The following CLASP2 variants were observed in gnomAD, a reference collection of about 807,000 sequenced individuals.
The protein encoded by CLASP2 is cytoplasmic linker associated protein 2, also known as CLIP-associating protein 2.
CLASP2 carries 47 observed loss-of-function variants against 194.4 expected under a neutral mutation model. The observed-to-expected ratio is 0.24, with a 90% confidence interval of 0.19 to 0.31. The LOEUF (loss-of-function observed/expected upper bound fraction) is 0.31. Among genes scored for constraint, CLASP2 ranks in the 10% least tolerant of loss-of-function variants. The pLI, the probability that CLASP2 is intolerant of heterozygous loss-of-function variation, is 1.00. For missense variants in CLASP2, 1,445 were observed against 1,823.6 expected, an observed-to-expected ratio of 0.79 and a Z score of 3.78; for synonymous variants, 619 against 633.5, an observed-to-expected ratio of 0.98 and a Z score of 0.34.
intron 18 of CLASP2, among the ~76,000 whole-genome samples, chr3:33,601,632 C>G (rs1161029542): frequency 6.6e-6 from 1 of 152,068 alleles, no homozygotes; most frequent in African/African-American, 2.4e-5. Context: ...CTGTCTCAAC[C>G]TGAGATTTGA....
At chr3:33,682,630 A>C (rs568446269) in intron 6 of CLASP2, among the ~76,000 whole-genome samples, 2 of 152,352 alleles carry the variant, frequency 1.3e-5, no homozygotes, top group Admixed American at 6.5e-5. Context: ...AGAAGCAGTA[A>C]AGAAAAAAAG....
intron 7 of CLASP2, among the ~76,000 whole-genome samples, chr3:33,653,040 A>G (rs1444633401): frequency 2.0e-5 from 3 of 152,196 alleles, no homozygotes; most frequent in Admixed American, 1.3e-4. Context: ...CACAAAGTAG[A>G]CAATATAATC....
At chr3:33,596,787 A>C (rs1292877870) in intron 18 of CLASP2, 53 bp from the exon 19 acceptor site, 2 of 1,368,642 alleles carry the variant, frequency 1.5e-6, no homozygotes, top group East Asian at 2.5e-5. Flanking sequence ...TATTAGAAGA[A>C]ATGATTTTTA....
chr3:33,547,250 G>A (rs1023977446), intron 30 of CLASP2, among the ~76,000 whole-genome samples: 2 of 152,174 alleles, frequency 1.3e-5, no homozygotes, highest in African/African-American at 2.4e-5. Flanking sequence ...TCTTGTGGTA[G>A]TGAATAAGTC....
At chr3:33,609,061 C>T (rs2074545687) in intron 13 of CLASP2, among the ~76,000 whole-genome samples, 1 of 152,130 alleles carries the variant, frequency 6.6e-6, no homozygotes, top group Non-Finnish European at 1.5e-5. Context: ...GGGTGGATCA[C>T]TTGAGGTCAG....
chr3:33,642,773 T>C (rs2081544126), intron 8 of CLASP2, among the ~76,000 whole-genome samples: 1 of 151,808 alleles, frequency 6.6e-6, no homozygotes, highest in African/African-American at 2.4e-5. Context: ...TTAGAAGTAA[T>C]ATCAATATCC....
chr3:33,532,851 T>G (rs1347135131), intron 34 of CLASP2, among the ~76,000 whole-genome samples: 1 of 152,170 alleles, frequency 6.6e-6, no homozygotes, highest in Non-Finnish European at 1.5e-5. Context: ...CTACTGGCAC[T>G]GGCTAATTTC....
At chr3:33,640,427 T>G (rs2081065952) in intron 8 of CLASP2, among the ~76,000 whole-genome samples, 1 of 152,142 alleles carries the variant, frequency 6.6e-6, no homozygotes, top group Admixed American at 6.5e-5. Flanking sequence ...AAATGTAAAA[T>G]GGCAGCAATT....
intron 29 of CLASP2, among the ~76,000 whole-genome samples, chr3:33,555,153 A>C (rs1335542798): frequency 2.0e-5 from 3 of 152,184 alleles, no homozygotes; most frequent in Non-Finnish European, 4.4e-5. Flanking sequence ...CCATTCCACA[A>C]TGCATACATA....
At chr3:33,632,086 T>C (rs995551984) in intron 9 of CLASP2, among the ~76,000 whole-genome samples, 1 of 152,226 alleles carries the variant, frequency 6.6e-6, no homozygotes, top group Non-Finnish European at 1.5e-5. Context: ...GATTCAACAA[T>C]ATGATTCAAT....
Position 33,544,850 on chromosome 3 carries a change from CA to C in CLASP2, c.3154-10del. On this transcript the variant is annotated splice_polypyrimidine_tract_variant and intron_variant, in intron 30 of 38. Coordinates refer to ENST00000682230, the MANE Select transcript of CLASP2 (RefSeq NM_001365631.1). Reference sequence around the variant, plus strand: ...AGCACTGACTGTGCTGCCTAAAAAACAAAGGCATACAGTAGATGAATATATT... The same window carrying C: ...AGCACTGACTGTGCTGCCTAAAAAACAAGGCATACAGTAGATGAATATATT... 1 of 1,596,154 alleles carries C rather than the reference CA, an allele frequency of 6.3e-7. No homozygotes were observed. The highest frequency in any genetic ancestry group is 8.5e-7 in the Non-Finnish European group (1 of 1,172,280).
At chr3:33,688,248 C>T (rs901329287) in intron 4 of CLASP2, 29 bp downstream of exon 4, 3 of 1,472,698 alleles carry the variant, frequency 2.0e-6, no homozygotes, top group Non-Finnish European at 2.7e-6. Flanking sequence ...AAAAACAAGA[C>T]AGTTATTTTC....
intron 1 of CLASP2, among the ~76,000 whole-genome samples, chr3:33,711,775 T>C (rs1252338398): frequency 2.0e-5 from 3 of 151,752 alleles, no homozygotes; most frequent in Non-Finnish European, 4.4e-5. Flanking sequence ...TATGAAAAAA[T>C]GTTCACCATC....
chr3:33,641,055 C>T (rs1057353005), intron 8 of CLASP2, among the ~76,000 whole-genome samples: 21 of 151,922 alleles, frequency 1.4e-4, no homozygotes, highest in African/African-American at 5.1e-4. Flanking sequence ...AGATAAATGA[C>T]CCTGGCAGGT....
At chr3:33,636,272 C>CT (rs1179475060) in intron 8 of CLASP2, among the ~76,000 whole-genome samples, 1 of 151,966 alleles carries the variant, frequency 6.6e-6, no homozygotes, top group African/African-American at 2.4e-5. Flanking sequence ...CTAAGCAAAC[C>CT]TTTTTTTCCT....
In CLASP2 at chr3:33,608,559, A is replaced by G; in HGVS notation, c.1448+8T>C. 1 of 1,606,850 alleles carries G rather than the reference A, an allele frequency of 6.2e-7. No individual in the cohort carries two copies. Among genetic ancestry groups the G allele is most frequent in the African/African-American group, 1.3e-5 (1 of 74,890 alleles). Reference sequence around the variant, plus strand: ...GGAAAGTGGGAGGAAGGAAGAGGGAATGCATACCTTTCCAATGAATGAGTC... The same window carrying G: ...GGAAAGTGGGAGGAAGGAAGAGGGAGTGCATACCTTTCCAATGAATGAGTC... On this transcript the variant is annotated splice_region_variant and intron_variant, in intron 14 of 38. Transcript: ENST00000682230.
At chr3:33,574,569 T>C (rs1205416760) in intron 24 of CLASP2, 21 of 865,888 alleles carry the variant, frequency 2.4e-5, no homozygotes, top group South Asian at 3.2e-5. Context: ...CACAGTGAAA[T>C]AGGCATTAAC....
At chr3:33,576,948 C>G (rs1050385624) in intron 23 of CLASP2, among the ~76,000 whole-genome samples, 6 of 146,916 alleles carry the variant, frequency 4.1e-5, no homozygotes, top group African/African-American at 1.5e-4. Context: ...AACATAAAAA[C>G]AATTCTATAT....
At chr3:33,703,251 TCAA>T (rs1172734674) in intron 1 of CLASP2, among the ~76,000 whole-genome samples, 2 of 151,996 alleles carry the variant, frequency 1.3e-5, no homozygotes, top group Non-Finnish European at 2.9e-5. Flanking sequence ...CTCTTAAAAC[TCAA>T]CAACAAGAAA....
Sources: gnomAD v4.1 joint callset for allele counts (sites outside exome capture counted in the v4.1 genomes callset) on GRCh38, gnomAD v4.1.1 for gene constraint, MANE v1.5 for transcripts, NCBI Gene and HGNC (gene_info 2026-07-23, HGNC 2026-07-21) for gene names.